XRN1: variants seen among roughly 807,000 people sequenced by gnomAD.
XRN1 encodes 5'-3' exoribonuclease 1.
Under a neutral mutation model 222.3 loss-of-function variants are expected in XRN1, and 67 were observed. The ratio of observed to expected loss-of-function variants is 0.30; its 90% CI spans 0.25 to 0.37. The LOEUF (loss-of-function observed/expected upper bound fraction) is 0.37. Ranked by LOEUF, XRN1 falls within the 10% of genes least tolerant of loss-of-function variation. XRN1 has a pLI of 1.00. For missense variants in XRN1, 1,707 were observed against 2,000.2 expected, an observed-to-expected ratio of 0.85 and a Z score of 2.80; for synonymous variants, 643 against 652.4, an observed-to-expected ratio of 0.99 and a Z score of 0.22.
intron 24 of XRN1, chr3:142,376,212 G>A: frequency 1.8e-6 from 1 of 568,904 alleles, no homozygotes; most frequent in Non-Finnish European, 2.8e-6. Flanking sequence ...CAAGATGCAA[G>A]GAAATATACT....
chr3:142,363,201 G>A (rs775746389), intron 29 of XRN1, among the ~76,000 whole-genome samples: 5 of 150,356 alleles, frequency 3.3e-5, no homozygotes, highest in Non-Finnish European at 7.4e-5. Flanking sequence ...TTCATTTTGA[G>A]CTAATTTCTA....
intron 39 of XRN1, among the ~76,000 whole-genome samples, chr3:142,315,428 T>G (rs1226202615): frequency 1.3e-5 from 2 of 151,876 alleles, no homozygotes; most frequent in African/African-American, 4.8e-5. Context: ...TTCTGCTAGA[T>G]AGTAACTTAA....
At chr3:142,391,342 T>A (rs758412744) in intron 20 of XRN1, among the ~76,000 whole-genome samples, 1 of 152,214 alleles carries the variant, frequency 6.6e-6, no homozygotes, top group Non-Finnish European at 1.5e-5. Flanking sequence ...GCTCAAAACT[T>A]TTAAATTCCC....
intron 26 of XRN1, 110 bp downstream of exon 26, chr3:142,371,129 C>CAAAA: frequency 1.2e-5 from 8 of 645,490 alleles, no homozygotes; most frequent in South Asian, 3.8e-5. Flanking sequence ...GAACCTGTCT[C>CAAAA]AAAAAAAAAA....
At chr3:142,421,435 G>A in intron 9 of XRN1, 41 bp downstream of exon 9, 1 of 1,495,172 alleles carries the variant, frequency 6.7e-7, no homozygotes, top group Non-Finnish European at 9.2e-7. Context: ...ATCATTTACA[G>A]CTACTCTGCG....
In XRN1 at chr3:142,403,007, T is replaced by C. The variant is rs540128147; in HGVS notation, c.2103+667A>G. 2.4e-3 allele frequency among the ~76,000 whole-genome samples: 371 copies of C among 152,324 alleles called. 1 individual carries two copies. The highest frequency in any genetic ancestry group is 4.7e-3 in the Non-Finnish European group (320 of 68,018). ...CCCGCTTTCTTTGATTTCTCTTTTG[T>C]GCAATTTAGTTTATTATACTGCCAC... On this transcript the variant is annotated intron_variant, in intron 18 of 40. Coordinates refer to ENST00000392981, the MANE Select transcript of XRN1 (RefSeq NM_001282857.2).
chr3:142,366,997 C>A (rs906201787), intron 27 of XRN1, among the ~76,000 whole-genome samples: 2 of 152,204 alleles, frequency 1.3e-5, no homozygotes, highest in East Asian at 3.9e-4. Context: ...ATTAGAAATG[C>A]AGAATTTTGG....
intron 37 of XRN1, among the ~76,000 whole-genome samples, chr3:142,328,603 A>G (rs2065587254): frequency 6.7e-6 from 1 of 149,548 alleles, no homozygotes; most frequent in African/African-American, 2.4e-5. Flanking sequence ...AAGAATGTAT[A>G]TTCTACAGCT....
chr3:142,406,985 T>C (rs1559856628), intron 15 of XRN1, among the ~76,000 whole-genome samples: 1 of 152,210 alleles, frequency 6.6e-6, no homozygotes, highest in Non-Finnish European at 1.5e-5. Flanking sequence ...TTTATTAGCA[T>C]AATAATGGAT....
chr3:142,407,278 G>A (rs1233015304), intron 15 of XRN1, among the ~76,000 whole-genome samples: 2 of 152,132 alleles, frequency 1.3e-5, no homozygotes, highest in African/African-American at 2.4e-5. Flanking sequence ...TTCATGATAA[G>A]CAGGTGCTTT....
chr3:142,440,993 T>G (rs2070181525), intron 1 of XRN1, among the ~76,000 whole-genome samples: 1 of 152,114 alleles, frequency 6.6e-6, no homozygotes, highest in Non-Finnish European at 1.5e-5. Flanking sequence ...CGCGGATGAT[T>G]TACTTTTGGC....
intron 10 of XRN1, among the ~76,000 whole-genome samples, chr3:142,419,681 C>T (rs146234398): frequency 1.3e-5 from 2 of 152,176 alleles, no homozygotes; most frequent in East Asian, 3.9e-4. Context: ...GTGGCGCGCA[C>T]CTCTAATCCC....
intron 32 of XRN1, among the ~76,000 whole-genome samples, chr3:142,348,779 A>C (rs907640380): frequency 2.0e-5 from 3 of 152,154 alleles, no homozygotes; most frequent in Admixed American, 6.5e-5. Flanking sequence ...GAAACACTCA[A>C]GACTCTTCAG....
rs1487720808 is a variant in XRN1 at position 142,371,327 on chromosome 3, C to G, written c.2980G>C (p.Ala994Pro). 1.9e-6 allele frequency: 3 copies of G among 1,607,092 alleles called. No homozygotes were observed. The highest frequency in any genetic ancestry group is 1.3e-5 in the African/African-American group (1 of 74,518). The change falls in exon 26 of 41, where the codon GCT (alanine) becomes CCT (proline). Residue 994 changes from alanine (A) to proline (P), a missense_variant and splice_region_variant. Around this residue, in one of 2 missense-constraint regions of XRN1, gnomAD observed 1,234 missense variants for 1,518.2 expected, o/e 0.81. Coordinates refer to ENST00000392981, the MANE Select transcript of XRN1 (RefSeq NM_001282857.2). ...GCTATATAACTAAATAGTTCTGGAG[C>G]TCTGGTCAAACAAACAAAAATATTG... The part of the protein sequence containing the change: ...EQLLAEYLER[A>P]PELFSYIAKN...
intron 1 of XRN1, among the ~76,000 whole-genome samples, chr3:142,445,194 T>C (rs2070451319): frequency 6.6e-6 from 1 of 152,180 alleles, no homozygotes; most frequent in African/African-American, 2.4e-5. Flanking sequence ...GGCTCAGCTC[T>C]GCATTTTTTT....
intron 19 of XRN1, among the ~76,000 whole-genome samples, chr3:142,397,943 G>A (rs1178114351): frequency 1.3e-5 from 2 of 152,078 alleles, no homozygotes; most frequent in Non-Finnish European, 2.9e-5. Context: ...CAATTATTAT[G>A]TATCAAAAAA....
chr3:142,365,375 A>G lies in XRN1; in HGVS notation c.3205-9T>C, dbSNP rs111986801. 8.5e-3 allele frequency: 13,094 copies of G among 1,548,506 alleles called. 85 individuals carry two copies. The highest frequency in any genetic ancestry group is 9.6e-3 in the Non-Finnish European group (10,985 of 1,145,520). On this transcript the variant is annotated splice_polypyrimidine_tract_variant and intron_variant, in intron 27 of 40. Transcript: ENST00000392981. ...TTATTATTCTTTCTTTGCTGAGGAAAAAGAAAAATTGTTAAATATTTTTAA... is the reference window on the plus strand; with the variant it reads ...TTATTATTCTTTCTTTGCTGAGGAAGAAGAAAAATTGTTAAATATTTTTAA...
chr3:142,329,675 C>T lies in XRN1; in HGVS notation c.4223-60G>A, dbSNP rs2065636078. 5 of 1,469,990 alleles carry T rather than the reference C, an allele frequency of 3.4e-6. No homozygotes were observed. The South Asian group carries it at 7.2e-5, about 21-fold the overall frequency. The allele number at this position is 1,469,990 out of a possible 1,614,324, so 91.1% of individuals were successfully genotyped here. On this transcript the variant is annotated intron_variant, in intron 36 of 40. Coordinates refer to ENST00000392981, the MANE Select transcript of XRN1 (RefSeq NM_001282857.2). Reference sequence around the variant, plus strand: ...ATAAAATACTATCTCAAATTATGCACTTATTGTAGGGTTTTATAGAAGAGC... The same window carrying T: ...ATAAAATACTATCTCAAATTATGCATTTATTGTAGGGTTTTATAGAAGAGC...
Position 142,332,910 on chromosome 3 carries a change from T to G in XRN1, c.4062+57A>C. 7 of 1,597,450 alleles carry G rather than the reference T, an allele frequency of 4.4e-6. No individual in the cohort carries two copies. The Admixed American group carries it at 6.9e-5, about 16-fold the overall frequency. On this transcript the variant is annotated intron_variant, in intron 35 of 40. Coordinates refer to ENST00000392981, the MANE Select transcript of XRN1 (RefSeq NM_001282857.2). ...TTTGAACACTTGCATGGGATATGTCTGCATGGTCAACAGTCGAGAAATTAC... is the reference window on the plus strand; with the variant it reads ...TTTGAACACTTGCATGGGATATGTCGGCATGGTCAACAGTCGAGAAATTAC...
Sources: allele counts gnomAD v4.1 joint callset (sites outside exome capture counted in the v4.1 genomes callset), GRCh38; gene constraint gnomAD v4.1.1; regional missense constraint gnomAD v4.1.1; transcripts MANE v1.5; gene names NCBI Gene and HGNC (gene_info 2026-07-23, HGNC 2026-07-21).